The following CHMP2B variants were observed in gnomAD, a reference collection of about 807,000 sequenced individuals.
CHMP2B encodes VPS2 homolog B.
CHMP2B carries 22 observed loss-of-function variants against 29.8 expected under a neutral mutation model. That is an observed-to-expected ratio of 0.74 (90% confidence interval 0.53 to 1.05). The LOEUF (loss-of-function observed/expected upper bound fraction) is 1.05, where lower values mean the gene tolerates loss of function less well. Ranked by LOEUF, CHMP2B falls within the 50% of genes least tolerant of loss-of-function variation. CHMP2B has a pLI of 0.00. For synonymous variants in CHMP2B, 78 were observed against 75.8 expected (o/e 1.03, Z -0.15); for missense variants, 261 against 252.2 (o/e 1.03, Z -0.24).
chr3:87,233,118 C>T (rs1705936490), intron 1 of CHMP2B, among the ~76,000 whole-genome samples: 1 of 152,164 alleles, frequency 6.6e-6, no homozygotes, highest in South Asian at 2.1e-4. Context: ...AGTTGGCTCT[C>T]TTGACGATGT....
intron 3 of CHMP2B, among the ~76,000 whole-genome samples, chr3:87,247,831 T>A (rs1400918704): frequency 6.6e-6 from 1 of 152,134 alleles, no homozygotes; most frequent in East Asian, 1.9e-4. Context: ...CAAAAATATA[T>A]TGTACTTGGG....
In CHMP2B at chr3:87,244,016, GTTTTTTGTTTTTTT is replaced by G. The variant is rs1229321504; in HGVS notation, c.127-1684_127-1671del. On this transcript the variant is annotated intron_variant, in intron 2 of 5. Transcript: ENST00000263780. ...TGGATTTTTCTTTGTTTCTGTTTTT[GTTTTTTGTTTTTTT>G]TTTTTTGTTTTTTGTTTTTTGTTGT... Among the ~76,000 whole-genome samples the G allele has an allele frequency of 1.7e-3, 215 of 129,288 alleles. 2 individuals carry two copies. Among genetic ancestry groups the G allele is most frequent in the African/African-American group, 4.6e-3 (151 of 32,770 alleles). The allele number at this position is 129,288 out of a possible 152,430, so 84.8% of individuals were successfully genotyped here. A position where few individuals can be genotyped will look rare whatever the true frequency, so the allele number is the denominator to read the frequency against.
chr3:87,250,617 C>A (rs887357792), intron 4 of CHMP2B, among the ~76,000 whole-genome samples: 1 of 151,840 alleles, frequency 6.6e-6, no homozygotes, highest in South Asian at 2.1e-4. Flanking sequence ...ATACTCATGA[C>A]CTTGACATTA....
chr3:87,233,158 C>T (rs1559605346), intron 1 of CHMP2B, among the ~76,000 whole-genome samples: 2 of 151,998 alleles, frequency 1.3e-5, no homozygotes, highest in Admixed American at 6.6e-5. Context: ...TGGCATGATC[C>T]CCCTTTGTTC....
In CHMP2B at chr3:87,254,632, T is replaced by A. The variant is rs1352196820; in HGVS notation, c.*810T>A. The A allele has an allele frequency of 1.3e-5, 2 of 151,936 alleles. No individual in the cohort carries two copies. The highest frequency in any genetic ancestry group is 2.9e-5 in the Non-Finnish European group (2 of 67,888). The allele number at this position is 151,936 out of a possible 1,614,324, so 9.4% of individuals were successfully genotyped here. On this transcript the variant is annotated 3_prime_UTR_variant, in exon 6 of 6. Coordinates refer to ENST00000263780, the MANE Select transcript of CHMP2B (RefSeq NM_014043.4). ...TCCTGGTCTCAGACCTATGATGACT[T>A]GTCCCTTTGATGTCACTACTGTGAA...
At chr3:87,247,402 C>T (rs1259402208) in intron 3 of CHMP2B, among the ~76,000 whole-genome samples, 1 of 152,164 alleles carries the variant, frequency 6.6e-6, no homozygotes, top group East Asian at 1.9e-4. Context: ...GAACACTGGG[C>T]AGCATGTTAA....
At chr3:87,243,202 A>G (rs1431710760) in intron 2 of CHMP2B, among the ~76,000 whole-genome samples, 1 of 152,104 alleles carries the variant, frequency 6.6e-6, no homozygotes, top group Admixed American at 6.5e-5. Flanking sequence ...TTTCTTTTTT[A>G]GTCTGTCAAT....
chr3:87,236,507 TC>T (rs1706014299), intron 1 of CHMP2B, among the ~76,000 whole-genome samples: 1 of 152,138 alleles, frequency 6.6e-6, no homozygotes, highest in Non-Finnish European at 1.5e-5. Flanking sequence ...CAGTTTAACT[TC>T]TGAGTATAGT....
chr3:87,254,033 G>C lies in CHMP2B; in HGVS notation c.*211G>C. The C allele has an allele frequency of 6.2e-6, 3 of 487,668 alleles. No individual in the cohort carries two copies. Among genetic ancestry groups the C allele is most frequent in the Non-Finnish European group, 1.1e-5 (3 of 268,136 alleles). 30.2% of individuals were successfully genotyped at this position (487,668 alleles called of 1,614,324 possible). On this transcript the variant is annotated 3_prime_UTR_variant, in exon 6 of 6. Transcript: ENST00000263780. Reference sequence around the variant, plus strand: ...ATGGGAACAGTTTGGATTTTAATTAGAACTGTTTAGGAGTGATGATGTGTA... The same window carrying C: ...ATGGGAACAGTTTGGATTTTAATTACAACTGTTTAGGAGTGATGATGTGTA...
At chr3:87,235,464 T>G (rs2106895813) in intron 1 of CHMP2B, among the ~76,000 whole-genome samples, 1 of 152,340 alleles carries the variant, frequency 6.6e-6, no homozygotes, top group Middle Eastern at 3.4e-3. Context: ...CATTAGCCGC[T>G]CTGAGTTTAT....
At chr3:87,253,122 T>C in intron 4 of CHMP2B, 1 of 338,860 alleles carries the variant, frequency 3.0e-6, no homozygotes. Context: ...CATGTAGCTG[T>C]GACTATCACA....
chr3:87,239,099 G>A lies in CHMP2B; in HGVS notation c.35-1600G>A, dbSNP rs1459909026. 2.6e-5 allele frequency among the ~76,000 whole-genome samples: 4 copies of A among 152,136 alleles called. No homozygotes were observed. The East Asian group carries it at 7.7e-4, about 29-fold the overall frequency. ...GGCAAAACGTCTGTTCAAGCCTTTAGCTCATTTAAAAGTTGGGTTGTTTGT... is the reference window on the plus strand; with the variant it reads ...GGCAAAACGTCTGTTCAAGCCTTTAACTCATTTAAAAGTTGGGTTGTTTGT... On this transcript the variant is annotated intron_variant, in intron 1 of 5. Transcript: ENST00000263780.
chr3:87,240,322 G>A (rs1402507666), intron 1 of CHMP2B: 1 of 146,354 alleles, frequency 6.8e-6, no homozygotes, highest in East Asian at 2.0e-4. Flanking sequence ...TTTTTTTGGA[G>A]ACAGAGTTTC....
In CHMP2B at chr3:87,227,461, G is replaced by T; in HGVS notation, c.-62G>T. On this transcript the variant is annotated 5_prime_UTR_variant, in exon 1 of 6. Coordinates refer to ENST00000263780, the MANE Select transcript of CHMP2B (RefSeq NM_014043.4). ...GCCAAGGTCCTGTCCTTTTCCTCCT[G>T]TCCTTTGCCAGCGTTGGGCCGGACC... 1 of 1,604,834 alleles carries T rather than the reference G, an allele frequency of 6.2e-7. No individual in the cohort carries two copies. The highest frequency in any genetic ancestry group is 8.5e-7 in the Non-Finnish European group (1 of 1,171,668).
At chr3:87,241,486 G>A (rs1473472189) in intron 2 of CHMP2B, among the ~76,000 whole-genome samples, 1 of 151,972 alleles carries the variant, frequency 6.6e-6, no homozygotes, top group Non-Finnish European at 1.5e-5. Flanking sequence ...CCTTTTTCCT[G>A]GTGAAGCAAA....
chr3:87,247,530 G>GA (rs1706237145), intron 3 of CHMP2B, among the ~76,000 whole-genome samples: 1 of 152,206 alleles, frequency 6.6e-6, no homozygotes, highest in African/African-American at 2.4e-5. Context: ...TAAGAAGGCA[G>GA]AACATCCCCT....
intron 1 of CHMP2B, among the ~76,000 whole-genome samples, chr3:87,231,540 A>G (rs1312593120): frequency 6.6e-6 from 1 of 152,062 alleles, no homozygotes; most frequent in Non-Finnish European, 1.5e-5. Context: ...AAATCTGACT[A>G]TGTTACTCCT....
chr3:87,232,350 T>A (rs566309954), intron 1 of CHMP2B, among the ~76,000 whole-genome samples: 13 of 152,288 alleles, frequency 8.5e-5, no homozygotes, highest in African/African-American at 3.1e-4. Flanking sequence ...TCAGAAACAT[T>A]TTTTCTGTAT....
At position 87,236,154 on chromosome 3, in the gene CHMP2B, C is replaced by A. The variant is rs550117137; in HGVS notation, c.35-4545C>A. 4.6e-5 allele frequency among the ~76,000 whole-genome samples: 7 copies of A among 152,102 alleles called. No individual in the cohort carries two copies. The South Asian group carries it at 1.5e-3, about 32-fold the overall frequency. ...TTTTTTTATAACCTAATCTCAAGCA[C>A]CCACCTCTCCTGACATATGGGGGTG... On this transcript the variant is annotated intron_variant, in intron 1 of 5. Coordinates refer to ENST00000263780, the MANE Select transcript of CHMP2B (RefSeq NM_014043.4).
Sources: gnomAD v4.1 joint callset for allele counts (sites outside exome capture counted in the v4.1 genomes callset) on GRCh38, gnomAD v4.1.1 for gene constraint, MANE v1.5 for transcripts, NCBI Gene and HGNC (gene_info 2026-07-23, HGNC 2026-07-21) for gene names.